Variants in PKHD1 observed in about 807,000 individuals in gnomAD.
PKHD1 encodes the protein PKHD1 ciliary IPT domain containing fibrocystin/polyductin, also known as fibrocystin.
In PKHD1, 291 loss-of-function variants were observed where a neutral mutation model predicts 412.0. The observed-to-expected ratio is 0.71, with a 90% confidence interval of 0.64 to 0.78. The LOEUF is 0.78. Ranked by LOEUF, PKHD1 falls within the 30% of genes least tolerant of loss-of-function variation. The pLI is 0.00. For synonymous variants in PKHD1, 1,777 were observed against 1,821.5 expected (o/e 0.98, Z 0.62); for missense variants, 4,825 against 4,950.7 (o/e 0.97, Z 0.76).
intron 37 of PKHD1, among the ~76,000 whole-genome samples, chr6:51,930,011 C>G (rs1786321757): frequency 1.3e-5 from 2 of 152,146 alleles, no homozygotes; most frequent in Non-Finnish European, 2.9e-5. Flanking sequence ...TCAATAAAAG[C>G]TCCACCATCC....
At chr6:51,685,180 C>T (rs546843933) in intron 60 of PKHD1, among the ~76,000 whole-genome samples, 2 of 152,112 alleles carry the variant, frequency 1.3e-5, no homozygotes, top group Admixed American at 6.6e-5. Context: ...TTCTTTGAGG[C>T]CATTCAAACT....
intron 60 of PKHD1, among the ~76,000 whole-genome samples, chr6:51,681,623 T>C (rs1776674940): frequency 6.6e-6 from 1 of 152,156 alleles, no homozygotes; most frequent in African/African-American, 2.4e-5. Context: ...ATTGGTATCT[T>C]AATGACTAGT....
intron 61 of PKHD1, among the ~76,000 whole-genome samples, chr6:51,656,962 T>G (rs565125798): frequency 6.6e-6 from 1 of 152,130 alleles, no homozygotes; most frequent in East Asian, 1.9e-4. Context: ...GGCCCAAAGT[T>G]GGTAGCTTTT....
Position 51,748,367 on chromosome 6 carries a change from C to T in PKHD1, c.9249G>A (p.Val3083=), listed in dbSNP as rs919975783. The T allele has an allele frequency of 1.2e-6, 2 of 1,613,912 alleles. No individual in the cohort carries two copies. Among genetic ancestry groups the T allele is most frequent in the African/African-American group, 2.7e-5 (2 of 74,906 alleles). ...WSTIWVAGIK[V]NQVKDINLHG... ...GGAGGTTGATGTCCTTTACCTGGTT[C>T]ACTTTGATTCCCGCCACCCAAATGG... Residue 3083 remains valine (V), a synonymous_variant, in exon 58 of 67, where the codon GTG becomes GTA. Coordinates refer to ENST00000371117, the MANE Select transcript of PKHD1 (RefSeq NM_138694.4).
rs567008460 is a variant in PKHD1 at position 51,751,970 on chromosome 6, A to ATCAGTC, written c.8950+1230_8950+1231insGACTGA. On this transcript the variant is annotated intron_variant, in intron 57 of 66. Transcript: ENST00000371117. Reference sequence around the variant, plus strand: ...ATGATTTAAGGATCAGCATTGTTAGAAGTTTAGGATCAGGTCAGTCTTGCT... The same window carrying ATCAGTC: ...ATGATTTAAGGATCAGCATTGTTAGATCAGTCAGTTTAGGATCAGGTCAGTCTTGCT... Among the ~76,000 whole-genome samples, 9 of 152,268 alleles carry ATCAGTC rather than the reference A, an allele frequency of 5.9e-5. No individual in the cohort carries two copies. In the South Asian group the frequency reaches 1.9e-3, roughly 32 times the overall value.
intron 50 of PKHD1, among the ~76,000 whole-genome samples, chr6:51,840,151 C>T (rs1488378845): frequency 6.6e-6 from 1 of 152,082 alleles, no homozygotes; most frequent in Non-Finnish European, 1.5e-5. Context: ...GACCTCATTC[C>T]TCAGAAGCTG....
chr6:51,630,817 T>C (rs1435170142), intron 65 of PKHD1, among the ~76,000 whole-genome samples: 2 of 152,204 alleles, frequency 1.3e-5, no homozygotes, highest in African/African-American at 4.8e-5. Context: ...ATCTGACTAC[T>C]GTAAAACTTT....
intron 55 of PKHD1, among the ~76,000 whole-genome samples, chr6:51,771,078 C>G (rs1790019281): frequency 6.6e-6 from 1 of 151,354 alleles, no homozygotes; most frequent in South Asian, 2.1e-4. Flanking sequence ...AGATTTCAAA[C>G]TCTCCAGCTC....
At chr6:51,893,562 G>A (rs1020474732) in intron 43 of PKHD1, among the ~76,000 whole-genome samples, 1 of 152,134 alleles carries the variant, frequency 6.6e-6, no homozygotes, top group Non-Finnish European at 1.5e-5. Flanking sequence ...TGATTCATGA[G>A]GAAAAACCAC....
At chr6:51,804,366 G>C (rs1247207084) in intron 52 of PKHD1, among the ~76,000 whole-genome samples, 4 of 103,558 alleles carry the variant, frequency 3.9e-5, no homozygotes, top group South Asian at 4.9e-4. Context: ...CATTGGGGGG[G>C]GGGGGGGCGG....
At chr6:52,067,859 A>G (rs1257251268) in intron 11 of PKHD1, among the ~76,000 whole-genome samples, 1 of 152,178 alleles carries the variant, frequency 6.6e-6, no homozygotes, top group East Asian at 1.9e-4. Context: ...AGGATGGTGA[A>G]TAGGAAGGAA....
intron 64 of PKHD1, among the ~76,000 whole-genome samples, chr6:51,635,092 A>T (rs1214689390): frequency 6.6e-6 from 1 of 151,954 alleles, no homozygotes; most frequent in Non-Finnish European, 1.5e-5. Context: ...ATACCTGGCT[A>T]ATTTTTTGTT....
chr6:51,739,896 G>A (rs567236470), intron 60 of PKHD1: 4 of 480,612 alleles, frequency 8.3e-6, no homozygotes, highest in Middle Eastern at 3.3e-4. Context: ...GAACCGGGGT[G>A]TGAGGTTATG....
chr6:52,053,960 A>G, intron 20 of PKHD1, 78 bp downstream of exon 20: 2 of 1,431,270 alleles, frequency 1.4e-6, no homozygotes, highest in African/African-American at 1.4e-5. Flanking sequence ...TTAGTGCCTG[A>G]GGTGGGTAAC....
chr6:51,920,254 G>T (rs947772822), intron 37 of PKHD1, among the ~76,000 whole-genome samples: 3 of 152,202 alleles, frequency 2.0e-5, no homozygotes, highest in Admixed American at 2.0e-4. Context: ...TATGATATTG[G>T]CTGTGGGTTT....
intron 60 of PKHD1, among the ~76,000 whole-genome samples, chr6:51,678,098 C>T (rs932803801): frequency 3.9e-5 from 6 of 152,048 alleles, no homozygotes; most frequent in Non-Finnish European, 5.9e-5. Context: ...ACATTGAAAA[C>T]AGCCCAGGCA....
intron 35 of PKHD1, among the ~76,000 whole-genome samples, chr6:51,960,718 T>G (rs1463718539): frequency 6.6e-6 from 1 of 152,020 alleles, no homozygotes; most frequent in Non-Finnish European, 1.5e-5. Flanking sequence ...GACAAGTAAA[T>G]AGTCTGGAAC....
At chr6:51,874,074 T>C (rs1454970585) in intron 46 of PKHD1, among the ~76,000 whole-genome samples, 1 of 152,084 alleles carries the variant, frequency 6.6e-6, no homozygotes, top group Non-Finnish European at 1.5e-5. Flanking sequence ...AAGGTCTAAA[T>C]TGAAGAAGAC....
intron 60 of PKHD1, among the ~76,000 whole-genome samples, chr6:51,695,983 C>T (rs1324274910): frequency 2.6e-5 from 4 of 152,156 alleles, no homozygotes; most frequent in Non-Finnish European, 5.9e-5. Flanking sequence ...GAAAAATAAC[C>T]TGTTCCACAC....
Sources: gnomAD v4.1 joint callset for allele counts (sites outside exome capture counted in the v4.1 genomes callset) on GRCh38, gnomAD v4.1.1 for gene constraint, MANE v1.5 for transcripts, NCBI Gene and HGNC (gene_info 2026-07-23, HGNC 2026-07-21) for gene names.